FGL1: variants seen among roughly 807,000 people sequenced by gnomAD.
FGL1 encodes fibrinogen like 1, also known as fibrinogen-like protein 1.
FGL1 carries 59 observed loss-of-function variants against 43.7 expected under a neutral mutation model. The observed-to-expected ratio is 1.35, with a 90% confidence interval of 1.10 to 1.68. FGL1 has a LOEUF of 1.68. FGL1 is among the 40% of genes most tolerant of loss of function. FGL1 has a pLI of 0.00. For missense variants in FGL1, 596 were observed against 373.0 expected, an observed-to-expected ratio of 1.60 and a Z score of -4.92; for synonymous variants, 192 against 126.5, an observed-to-expected ratio of 1.52 and a Z score of -3.48.
At chr8:17,879,861 C>A (rs577313195) in intron 3 of FGL1, among the ~76,000 whole-genome samples, 47 of 152,072 alleles carry the variant, frequency 3.1e-4, no homozygotes, top group Non-Finnish European at 5.0e-4. Context: ...GATTAGCTGC[C>A]CCCTGCCATG....
intron 5 of FGL1, among the ~76,000 whole-genome samples, chr8:17,873,488 A>G (rs1012586431): frequency 1.3e-5 from 2 of 152,094 alleles, no homozygotes; most frequent in African/African-American, 4.8e-5. Flanking sequence ...CAACCTGCAG[A>G]TTTGTGAGAA....
chr8:17,884,790 G>C (rs559652582), intron 2 of FGL1, among the ~76,000 whole-genome samples: 2 of 152,190 alleles, frequency 1.3e-5, no homozygotes, highest in East Asian at 3.9e-4. Context: ...TAAAACCTAG[G>C]AGTTTTCTTT....
In FGL1 at chr8:17,864,658, C is replaced by G. The variant is rs374761931; in HGVS notation, c.873G>C (p.Trp291Cys). ...NGIVWYTWHG[W>C]WYSLKSVVMK... is the part of the protein sequence containing the mutation. ...TAACCACAGATTTCAGAGAATACCACCACCCATGCCAGGTGTACCAGACAA... is the reference window on the plus strand; with the variant it reads ...TAACCACAGATTTCAGAGAATACCAGCACCCATGCCAGGTGTACCAGACAA... The change falls in exon 8 of 8, where the codon TGG becomes TGC. Residue 291 changes from tryptophan (W) to cysteine (C), a missense_variant. Coordinates refer to ENST00000427924, the MANE Select transcript of FGL1 (RefSeq NM_004467.4). The G allele has an allele frequency of 6.2e-7, 1 of 1,613,710 alleles. No individual in the cohort carries two copies. The highest frequency in any genetic ancestry group is 1.1e-5 in the South Asian group (1 of 91,060).
chr8:17,891,127 G>T (rs1432410066), intron 1 of FGL1: 1 of 152,132 alleles, frequency 6.6e-6, no homozygotes, highest in East Asian at 1.9e-4. Flanking sequence ...GAGGTGAGTG[G>T]CTACATCTAT....
At chr8:17,867,095 G>C (rs946865783) in intron 7 of FGL1, among the ~76,000 whole-genome samples, 2 of 152,058 alleles carry the variant, frequency 1.3e-5, no homozygotes, top group African/African-American at 4.8e-5. Flanking sequence ...GCAAAATATA[G>C]AAAAGATGAC....
intron 5 of FGL1, among the ~76,000 whole-genome samples, chr8:17,871,996 A>G (rs946077674): frequency 6.6e-6 from 1 of 152,218 alleles, no homozygotes; most frequent in Admixed American, 6.5e-5. Flanking sequence ...CCAGATAAAT[A>G]TCAATGTGCA....
At chr8:17,872,784 G>C (rs902333449) in intron 5 of FGL1, among the ~76,000 whole-genome samples, 1 of 152,112 alleles carries the variant, frequency 6.6e-6, no homozygotes, top group Admixed American at 6.6e-5. Context: ...GGGAAAAGTC[G>C]TTATCAAAAC....
intron 1 of FGL1, among the ~76,000 whole-genome samples, chr8:17,894,568 A>G (rs1384246111): frequency 6.8e-6 from 1 of 147,140 alleles, no homozygotes; most frequent in Non-Finnish European, 1.5e-5. Flanking sequence ...AAATTGTCAT[A>G]TAGTCCATTT....
chr8:17,878,894 C>A (rs1329216012), intron 3 of FGL1, among the ~76,000 whole-genome samples: 1 of 150,440 alleles, frequency 6.6e-6, no homozygotes, highest in Non-Finnish European at 1.5e-5. Context: ...ATATTTTATA[C>A]CATATTATAT....
At chr8:17,878,602 G>A (rs753238073) in intron 3 of FGL1, among the ~76,000 whole-genome samples, 8 of 152,024 alleles carry the variant, frequency 5.3e-5, no homozygotes, top group Non-Finnish European at 1.0e-4. Context: ...TTCATAATCC[G>A]CTAGCACCCA....
chr8:17,895,380 C>G, intron 1 of FGL1, 67 bp downstream of exon 1: 2 of 1,275,086 alleles, frequency 1.6e-6, no homozygotes, highest in Non-Finnish European at 2.0e-6. Flanking sequence ...TGGTTACTAT[C>G]ATACCTGTGA....
chr8:17,882,855 T>G (rs1287372498), intron 2 of FGL1, among the ~76,000 whole-genome samples: 13 of 99,480 alleles, frequency 1.3e-4, no homozygotes, highest in African/African-American at 5.0e-4. Context: ...ATAATATATA[T>G]CATATATAAT....
At chr8:17,875,279 T>TGCCAAAATCTTATAATCTC (rs2053427909) in intron 3 of FGL1, among the ~76,000 whole-genome samples, 1 of 152,196 alleles carries the variant, frequency 6.6e-6, no homozygotes, top group Non-Finnish European at 1.5e-5. Context: ...CCCATAATCT[T>TGCCAAAATCTTATAATCTC]GTCAAAATCT....
chr8:17,882,958 T>TCTC, intron 2 of FGL1, among the ~76,000 whole-genome samples: 7 of 101,652 alleles, frequency 6.9e-5, no homozygotes, highest in African/African-American at 3.1e-4. Context: ...ATATAATATA[T>TCTC]ATCATATATA....
intron 3 of FGL1, among the ~76,000 whole-genome samples, chr8:17,874,821 G>A (rs2053420750): frequency 6.6e-6 from 1 of 151,794 alleles, no homozygotes; most frequent in African/African-American, 2.4e-5. Context: ...TTTAAGAAAT[G>A]GGGGCGTGTC....
rs747855803 is a variant in FGL1, at chr8:17,874,489, G to T, written c.277C>A (p.Leu93Ile). The change falls in exon 4 of 8, where the codon CTC becomes ATC. Residue 93 changes from leucine (L) to isoleucine (I), a missense_variant. Coordinates refer to ENST00000427924, the MANE Select transcript of FGL1 (RefSeq NM_004467.4). ...CSEIFNDGYK[L>I]SGFYKIKPLQ... ...GGTTTGATTTTGTAAAATCCACTGAGCTTATACCCATCATTGAAAATCTCT... is the reference window on the plus strand; with the variant it reads ...GGTTTGATTTTGTAAAATCCACTGATCTTATACCCATCATTGAAAATCTCT... The T allele has an allele frequency of 6.2e-7, 1 of 1,609,920 alleles. No individual in the cohort carries two copies. Among genetic ancestry groups the T allele is most frequent in the Non-Finnish European group, 8.5e-7 (1 of 1,178,450 alleles).
intron 1 of FGL1, among the ~76,000 whole-genome samples, chr8:17,886,618 C>T (rs1022042804): frequency 1.3e-5 from 2 of 151,678 alleles, no homozygotes; most frequent in South Asian, 2.1e-4. Flanking sequence ...ATTAGCCAGG[C>T]GTGGTGGTGG....
At chr8:17,888,476 C>T (rs1686499764) in intron 1 of FGL1, among the ~76,000 whole-genome samples, 2 of 152,130 alleles carry the variant, frequency 1.3e-5, no homozygotes, top group African/African-American at 4.8e-5. Flanking sequence ...ATCTCTTATT[C>T]CCAGATGTCA....
chr8:17,895,518 C>G lies in FGL1; in HGVS notation c.-89G>C. On this transcript the variant is annotated 5_prime_UTR_variant, in exon 1 of 8. Transcript: ENST00000427924. Reference sequence around the variant, plus strand: ...CACTCTGCTTCCCAGGATCCTGTAACTGCATTGGGAATTTGTAATTATTTC... The same window carrying G: ...CACTCTGCTTCCCAGGATCCTGTAAGTGCATTGGGAATTTGTAATTATTTC... 1 of 1,287,350 alleles carries G rather than the reference C, an allele frequency of 7.8e-7. No homozygotes were observed. The highest frequency in any genetic ancestry group is 1.0e-6 in the Non-Finnish European group (1 of 987,132). The allele number at this position is 1,287,350 out of a possible 1,614,324, so 79.7% of individuals were successfully genotyped here.
Sources: gnomAD v4.1 joint callset for allele counts (sites outside exome capture counted in the v4.1 genomes callset) on GRCh38, gnomAD v4.1.1 for gene constraint, MANE v1.5 for transcripts, NCBI Gene and HGNC (gene_info 2026-07-23, HGNC 2026-07-21) for gene names.